The following KCNU1 variants were observed in gnomAD, a reference collection of about 807,000 sequenced individuals.
KCNU1 encodes the protein potassium calcium-activated channel subfamily U member 1.
Under a neutral mutation model 126.8 loss-of-function variants are expected in KCNU1, and 93 were observed. That is an observed-to-expected ratio of 0.73 (90% CI 0.62 to 0.87). KCNU1 has a LOEUF of 0.87. Ranked by LOEUF, KCNU1 falls within the 40% of genes least tolerant of loss-of-function variation. The pLI, the probability that KCNU1 is intolerant of heterozygous loss-of-function variation, is 0.00. For synonymous variants in KCNU1, 523 were observed against 494.2 expected (o/e 1.06, Z -0.77); for missense variants, 1,330 against 1,367.1 (o/e 0.97, Z 0.43).
intron 20 of KCNU1, among the ~76,000 whole-genome samples, chr8:36,908,985 A>G (rs1199770647): frequency 6.6e-6 from 1 of 152,208 alleles, no homozygotes; most frequent in Admixed American, 6.5e-5. Flanking sequence ...TGAAATAAAA[A>G]TCAAGAAATA....
At chr8:36,868,005 T>A (rs1250756393) in intron 19 of KCNU1, among the ~76,000 whole-genome samples, 3 of 152,090 alleles carry the variant, frequency 2.0e-5, no homozygotes, top group Non-Finnish European at 4.4e-5. Context: ...ACTTCTTAAT[T>A]CAAAATCAAG....
intron 8 of KCNU1, among the ~76,000 whole-genome samples, chr8:36,815,277 G>C (rs1803866392): frequency 6.6e-6 from 1 of 152,116 alleles, no homozygotes; most frequent in South Asian, 2.1e-4. Context: ...TTGCACCCCA[G>C]CCCGGGAGAC....
chr8:36,852,550 A>C (rs1441212321), intron 18 of KCNU1, among the ~76,000 whole-genome samples: 1 of 152,122 alleles, frequency 6.6e-6, no homozygotes, highest in African/African-American at 2.4e-5. Flanking sequence ...TAAGTTTTTC[A>C]GGTTTTCTAC....
intron 10 of KCNU1, among the ~76,000 whole-genome samples, chr8:36,832,372 T>C (rs1016278475): frequency 3.9e-5 from 6 of 152,212 alleles, no homozygotes; most frequent in Non-Finnish European, 8.8e-5. Flanking sequence ...TTTCACGATA[T>C]TGATTCTTCC....
At chr8:36,903,376 G>T (rs938326554) in intron 19 of KCNU1, among the ~76,000 whole-genome samples, 4 of 152,116 alleles carry the variant, frequency 2.6e-5, no homozygotes, top group Non-Finnish European at 4.4e-5. Flanking sequence ...GGAATAGATT[G>T]TATTTCTCCC....
At chr8:36,881,971 C>G (rs992015949) in intron 19 of KCNU1, among the ~76,000 whole-genome samples, 1 of 152,100 alleles carries the variant, frequency 6.6e-6, no homozygotes, top group Non-Finnish European at 1.5e-5. Context: ...TGTTACTCAT[C>G]TCCTCATCCC....
chr8:36,923,350 G>A (rs1359199652), intron 24 of KCNU1, among the ~76,000 whole-genome samples: 2 of 152,180 alleles, frequency 1.3e-5, no homozygotes, highest in East Asian at 3.9e-4. Flanking sequence ...AAGTAACACA[G>A]AGGGATGCCA....
At chr8:36,823,145 C>G (rs919502636) in intron 10 of KCNU1, among the ~76,000 whole-genome samples, 2 of 152,032 alleles carry the variant, frequency 1.3e-5, no homozygotes, top group Non-Finnish European at 2.9e-5. Flanking sequence ...GAAGAAAGTA[C>G]CATTCAAGAA....
chr8:36,845,563 T>C lies in KCNU1; in HGVS notation c.1704-17T>C, dbSNP rs1255536345. 1 of 1,480,472 alleles carries C rather than the reference T, an allele frequency of 6.8e-7. No homozygotes were observed. The highest frequency in any genetic ancestry group is 9.4e-7 in the Non-Finnish European group (1 of 1,061,080). The allele number at this position is 1,480,472 out of a possible 1,614,324, so 91.7% of individuals were successfully genotyped here. A position where few individuals can be genotyped will look rare whatever the true frequency, so the allele number is the denominator to read the frequency against. ...ATCAGAGGGAAACATTACCATGTGT[T>C]TATTTTTTGTTTCCAGTGGTCTGAT... On this transcript the variant is annotated splice_polypyrimidine_tract_variant and intron_variant, in intron 16 of 26. Coordinates refer to ENST00000399881, the MANE Select transcript of KCNU1 (RefSeq NM_001031836.3).
At chr8:36,909,733 C>T (rs1021783874) in intron 21 of KCNU1, among the ~76,000 whole-genome samples, 198 bp downstream of exon 21, 2 of 152,058 alleles carry the variant, frequency 1.3e-5, no homozygotes, top group East Asian at 1.9e-4. Flanking sequence ...CTTTAAGCAC[C>T]GGAAGAGTAA....
At position 36,836,859 on chromosome 8, in the gene KCNU1, T is replaced by C; in HGVS notation, c.1432T>C (p.Leu478=). The change falls in exon 14 of 27, where the codon TTA becomes CTA. Residue 478 remains leucine, a synonymous_variant. Transcript: ENST00000399881. ...AGACAACATCATCTGCTTTGCTGAA[T>C]TAAAACTTGGATTTATCGCCCAAGG... The part of the protein sequence containing the change: ...TGDNIICFAE[L]KLGFIAQGCL... The C allele has an allele frequency of 6.2e-7, 1 of 1,613,858 alleles. No individual in the cohort carries two copies. The highest frequency in any genetic ancestry group is 8.5e-7 in the Non-Finnish European group (1 of 1,179,792).
At chr8:36,839,613 T>C (rs1269595648) in intron 14 of KCNU1, among the ~76,000 whole-genome samples, 2 of 152,226 alleles carry the variant, frequency 1.3e-5, no homozygotes, top group Non-Finnish European at 2.9e-5. Flanking sequence ...GTTTTTGTTT[T>C]GCTTTTTTTC....
chr8:36,818,785 C>T (rs1804015837), intron 10 of KCNU1, among the ~76,000 whole-genome samples: 2 of 152,216 alleles, frequency 1.3e-5, no homozygotes, highest in South Asian at 4.2e-4. Context: ...TTCAATTCAC[C>T]ATAAATTTGG....
chr8:36,850,404 C>T (rs1041755013), intron 18 of KCNU1, among the ~76,000 whole-genome samples: 6 of 151,544 alleles, frequency 4.0e-5, no homozygotes, highest in African/African-American at 1.5e-4. Context: ...AAGATTTACC[C>T]CAAAACTTTC....
chr8:36,833,493 C>T (rs558550086), intron 10 of KCNU1, 61 bp from the exon 11 acceptor site: 2 of 965,216 alleles, frequency 2.1e-6, no homozygotes, highest in Admixed American at 1.8e-5. Flanking sequence ...TTATAAAAAC[C>T]TCTAAACCCA....
At chr8:36,860,911 C>CT (rs369702690) in intron 18 of KCNU1, among the ~76,000 whole-genome samples, 2,722 of 140,092 alleles carry the variant, frequency 0.019, 66 homozygotes, top group African/African-American at 0.053. Context: ...CCCTGGGTCA[C>CT]TTTTTTTTTT....
rs552759305 is a variant in KCNU1 at position 36,796,281 on chromosome 8, T to C, written c.316-7746T>C. 4.6e-5 allele frequency among the ~76,000 whole-genome samples: 7 copies of C among 152,318 alleles called. No individual in the cohort carries two copies. The South Asian group carries it at 1.5e-3, about 32-fold the overall frequency. On this transcript the variant is annotated intron_variant, in intron 2 of 26. Transcript: ENST00000399881. ...ATGTCAAAGCTTTTATGATTTCTACTTCACGGAATTTATGGAGAAATTCTT... is the reference window on the plus strand; with the variant it reads ...ATGTCAAAGCTTTTATGATTTCTACCTCACGGAATTTATGGAGAAATTCTT...
intron 18 of KCNU1, among the ~76,000 whole-genome samples, chr8:36,856,755 T>C (rs1278138449): frequency 6.6e-6 from 1 of 152,192 alleles, no homozygotes; most frequent in Non-Finnish European, 1.5e-5. Flanking sequence ...TTTGGGCCCC[T>C]TTGTAAGAGT....
intron 24 of KCNU1, among the ~76,000 whole-genome samples, chr8:36,926,514 G>A (rs995533201): frequency 6.6e-6 from 1 of 152,102 alleles, no homozygotes; most frequent in Admixed American, 6.5e-5. Flanking sequence ...AGAGACGTCT[G>A]TTGTTAAGAG....
Sources: allele counts gnomAD v4.1 joint callset (sites outside exome capture counted in the v4.1 genomes callset), GRCh38; gene constraint gnomAD v4.1.1; transcripts MANE v1.5; gene names NCBI Gene and HGNC (gene_info 2026-07-23, HGNC 2026-07-21).